The following DMXL1 variants were observed in gnomAD, a reference collection of about 807,000 sequenced individuals.
DMXL1 encodes Dmx like 1, also known as dmX-like protein 1.
A neutral mutation model predicts 319.2 loss-of-function variants in DMXL1; 99 were observed. The observed-to-expected ratio is 0.31, with a 90% CI of 0.26 to 0.37. The LOEUF (loss-of-function observed/expected upper bound fraction) is 0.37, where lower values mean the gene tolerates loss of function less well. Ranked by LOEUF, DMXL1 falls within the 10% of genes least tolerant of loss-of-function variation. DMXL1 has a pLI of 1.00. For missense variants in DMXL1, 3,745 were observed against 3,595.6 expected (o/e 1.04, Z -1.06); for synonymous variants, 1,385 against 1,235.2 (o/e 1.12, Z -2.54).
In DMXL1 at chr5:119,147,328, A is replaced by G. The variant is rs756303289; in HGVS notation, c.2769A>G (p.Leu923=). 5.0e-6 allele frequency: 8 copies of G among 1,613,538 alleles called. No individual in the cohort carries two copies. The highest frequency in any genetic ancestry group is 2.2e-5 in the South Asian group (2 of 91,068). ...EHYSSSPEKI[L]SPFSQKYQAC... ...ATTCTTCTTCTCCAGAGAAGATCCT[A>G]TCTCCTTTTTCACAAAAGTATCAGG... Residue 923 remains leucine, a synonymous_variant, in exon 17 of 44, where the codon CTA becomes CTG. Transcript: ENST00000539542.
At chr5:119,215,834 C>T (rs768997246) in intron 34 of DMXL1, among the ~76,000 whole-genome samples, 86 of 152,122 alleles carry the variant, frequency 5.7e-4, no homozygotes, top group Non-Finnish European at 1.1e-3. Context: ...TGGTGGCTCA[C>T]GCCCATAATC....
intron 1 of DMXL1, among the ~76,000 whole-genome samples, chr5:119,097,224 T>G (rs1756171226): frequency 6.6e-6 from 1 of 152,204 alleles, no homozygotes; most frequent in Non-Finnish European, 1.5e-5. Context: ...TGGTAAGGTG[T>G]TGAGATTTTA....
At chr5:119,183,223 T>G (rs189684392) in intron 28 of DMXL1, among the ~76,000 whole-genome samples, 6 of 152,314 alleles carry the variant, frequency 3.9e-5, no homozygotes, top group African/African-American at 1.4e-4. Context: ...ATAAAACTTG[T>G]GTAAAAACAA....
chr5:119,100,240 C>G (rs1048898505), intron 2 of DMXL1, among the ~76,000 whole-genome samples: 1 of 151,438 alleles, frequency 6.6e-6, no homozygotes, highest in African/African-American at 2.4e-5. Context: ...ACCATTCTGG[C>G]CAAAATAGAG....
At chr5:119,118,662 G>A (rs1446624911) in intron 7 of DMXL1, among the ~76,000 whole-genome samples, 153 bp from the exon 8 acceptor site, 1 of 152,146 alleles carries the variant, frequency 6.6e-6, no homozygotes, top group Non-Finnish European at 1.5e-5. Context: ...AAATAGGTTG[G>A]CAAGCATTTG....
intron 15 of DMXL1, among the ~76,000 whole-genome samples, chr5:119,146,270 A>C (rs1404391852): frequency 6.6e-6 from 1 of 151,958 alleles, no homozygotes; most frequent in African/African-American, 2.4e-5. Flanking sequence ...TCTATTGTTA[A>C]AAAGGTTTTT....
chr5:119,223,111 C>T (rs1784927317), intron 37 of DMXL1, among the ~76,000 whole-genome samples: 1 of 141,220 alleles, frequency 7.1e-6, no homozygotes, highest in African/African-American at 2.6e-5. Context: ...GTCTGCAGTG[C>T]AGTGGTGCAA....
chr5:119,224,699 A>C lies in DMXL1; in HGVS notation c.8278-10A>C. 8.7e-7 allele frequency: 1 copy of C among 1,155,708 alleles called. No individual in the cohort carries two copies. The highest frequency in any genetic ancestry group is 1.2e-6 in the Non-Finnish European group (1 of 846,672). 71.6% of individuals were successfully genotyped at this position (1,155,708 alleles called of 1,614,324 possible). ...ATTATGCCTATAAAATAATTTTTCT[A>C]TTTTACCAGATGATTAAGAAAGCCA... On this transcript the variant is annotated splice_polypyrimidine_tract_variant and intron_variant, in intron 37 of 43. Transcript: ENST00000539542.
chr5:119,146,186 A>G (rs532868042), intron 15 of DMXL1, among the ~76,000 whole-genome samples: 10 of 151,990 alleles, frequency 6.6e-5, no homozygotes, highest in Admixed American at 5.2e-4. Context: ...TTTTGTTTTT[A>G]TAATGTAATT....
In DMXL1 at chr5:119,167,705, A is replaced by G. The variant is rs375988788; in HGVS notation, c.5239A>G (p.Lys1747Glu). 55 of 1,613,546 alleles carry G rather than the reference A, an allele frequency of 3.4e-5. No individual in the cohort carries two copies. Among genetic ancestry groups the G allele is most frequent in the Non-Finnish European group, 4.0e-5 (47 of 1,179,726 alleles). The change falls in exon 23 of 44, where the codon AAA (lysine) becomes GAA (glutamate). Residue 1747 changes from lysine to glutamate, a missense_variant. Physicochemically the swap from Lys to Glu is moderately conservative, Grantham distance 56. Transcript: ENST00000539542. ...TGCAGCATATAAATCTATTTTACGT[A>G]AAAAAGTTTTGGGAATCGATTCTCC... ...TSAAYKSILR[K>E]KVLGIDSPVS...
At chr5:119,216,237 C>G (rs1185999638) in intron 34 of DMXL1, among the ~76,000 whole-genome samples, 1 of 150,968 alleles carries the variant, frequency 6.6e-6, no homozygotes, top group African/African-American at 2.4e-5. Flanking sequence ...TTTTCTAAGT[C>G]CAAAGATGTA....
chr5:119,131,681 A>G (rs1472537899), intron 10 of DMXL1, among the ~76,000 whole-genome samples: 2 of 152,198 alleles, frequency 1.3e-5, no homozygotes, highest in Non-Finnish European at 2.9e-5. Context: ...ATCTGCATTG[A>G]GAAGCCAGTT....
chr5:119,143,999 T>C (rs1767984476), intron 14 of DMXL1, 69 bp downstream of exon 14: 1 of 965,958 alleles, frequency 1.0e-6, no homozygotes, highest in African/African-American at 1.7e-5. Context: ...ATAAAATCTA[T>C]ATATTAATGT....
intron 26 of DMXL1, among the ~76,000 whole-genome samples, chr5:119,176,166 G>C (rs753419377): frequency 6.6e-6 from 1 of 151,944 alleles, no homozygotes; most frequent in Non-Finnish European, 1.5e-5. Flanking sequence ...TCATTTTCGG[G>C]ATCTCTTGTT....
intron 10 of DMXL1, among the ~76,000 whole-genome samples, chr5:119,131,517 G>A (rs939998207): frequency 6.6e-6 from 1 of 152,150 alleles, no homozygotes; most frequent in Non-Finnish European, 1.5e-5. Context: ...GTACTTTAGA[G>A]ATAAAGTACA....
intron 13 of DMXL1, among the ~76,000 whole-genome samples, chr5:119,138,615 GA>G (rs1486878078): frequency 2.3e-4 from 35 of 152,292 alleles, no homozygotes; most frequent in African/African-American, 8.4e-4. Context: ...GTGGCAGGTG[GA>G]TCACTTGAGG....
chr5:119,091,110 T>C lies in DMXL1; in HGVS notation c.88-6869T>C, dbSNP rs183346281. 4.0e-3 allele frequency among the ~76,000 whole-genome samples: 605 copies of C among 152,284 alleles called. 10 individuals are homozygous for C. Among genetic ancestry groups the C allele is most frequent in the South Asian group, 0.026 (127 of 4,826 alleles). ...GAATAGTTGTTTCCTTAAAACTATT[T>C]TGAATTCTTGGTCAGAGAGCTCACA... On this transcript the variant is annotated intron_variant, in intron 1 of 43. Transcript: ENST00000539542.
At chr5:119,148,322 A>G (rs1247346874) in intron 17 of DMXL1, among the ~76,000 whole-genome samples, 1 of 152,148 alleles carries the variant, frequency 6.6e-6, no homozygotes, top group African/African-American at 2.4e-5. Flanking sequence ...ATACCTTTAA[A>G]ATTAGATTTA....
intron 30 of DMXL1, among the ~76,000 whole-genome samples, chr5:119,194,683 G>T (rs1779296808): frequency 1.3e-5 from 2 of 152,132 alleles, no homozygotes; most frequent in Admixed American, 1.3e-4. Context: ...CCTGCTGAAT[G>T]AATTTTACTT....
Sources: gnomAD v4.1 joint callset for allele counts (sites outside exome capture counted in the v4.1 genomes callset) on GRCh38, gnomAD v4.1.1 for gene constraint, MANE v1.5 for transcripts, NCBI Gene and HGNC (gene_info 2026-07-23, HGNC 2026-07-21) for gene names.